The following ARID3A variants were observed in gnomAD, a reference collection of about 807,000 sequenced individuals.
ARID3A encodes AT-rich interactive domain-containing protein 3A.
ARID3A carries 11 observed loss-of-function variants against 52.7 expected under a neutral mutation model. That is an observed-to-expected ratio of 0.21 (90% CI 0.13 to 0.35). The LOEUF (loss-of-function observed/expected upper bound fraction) is 0.35, where lower values mean the gene tolerates loss of function less well. Ranked by LOEUF, ARID3A falls within the 10% of genes least tolerant of loss-of-function variation. ARID3A has a pLI of 1.00. For synonymous variants in ARID3A, 404 were observed against 359.4 expected, an observed-to-expected ratio of 1.12 and a Z score of -1.40; for missense variants, 721 against 838.5, an observed-to-expected ratio of 0.86 and a Z score of 1.73.
chr19:949,751 A>C (rs1463248077), intron 3 of ARID3A, among the ~76,000 whole-genome samples: 2 of 146,270 alleles, frequency 1.4e-5, no homozygotes, highest in Non-Finnish European at 3.0e-5. Flanking sequence ...ATCTGAGCTC[A>C]CGCAATCTCT....
Position 960,265 on chromosome 19 carries a change from C to G in ARID3A, c.766+101C>G, listed in dbSNP as rs1013905258. ...GTATGTCGGGGCGGTGGTGAGCACCCCGTGGCTGGAGGCATCCAAGGCTCC... is the reference window on the plus strand; with the variant it reads ...GTATGTCGGGGCGGTGGTGAGCACCGCGTGGCTGGAGGCATCCAAGGCTCC... On this transcript the variant is annotated intron_variant, in intron 4 of 8. Transcript: ENST00000263620. This position sits in a 1 kb window ranked among gnomAD's most constrained non-coding sequence, Gnocchi z 4.3. 5.2e-6 allele frequency: 6 copies of G among 1,157,656 alleles called. No homozygotes were observed. In the African/African-American group the frequency reaches 9.5e-5, roughly 18 times the overall value. 71.7% of individuals were successfully genotyped at this position (1,157,656 alleles called of 1,614,324 possible). A position where few individuals can be genotyped will look rare whatever the true frequency, so the allele number is the denominator to read the frequency against.
chr19:945,794 C>T (rs1307614425), intron 3 of ARID3A, among the ~76,000 whole-genome samples: 1 of 152,150 alleles, frequency 6.6e-6, no homozygotes, highest in Non-Finnish European at 1.5e-5. Context: ...TTGCACTGCC[C>T]GGCTCCTGCT....
chr19:966,226 G>A (rs947973077), intron 6 of ARID3A, among the ~76,000 whole-genome samples: 14 of 150,696 alleles, frequency 9.3e-5, no homozygotes, highest in East Asian at 3.9e-4. Flanking sequence ...TTGGGAGGCC[G>A]AGGCGGGCGG....
chr19:949,675 T>TC (rs940160754), intron 3 of ARID3A, among the ~76,000 whole-genome samples: 6 of 67,360 alleles, frequency 8.9e-5, no homozygotes, highest in Non-Finnish European at 1.6e-4. Context: ...CCTGATTCTG[T>TC]CTTTTTTTTT....
At chr19:958,277 ATT>A (rs2037963361) in intron 3 of ARID3A, 1 of 151,240 alleles carries the variant, frequency 6.6e-6, no homozygotes, top group Non-Finnish European at 1.5e-5. Context: ...ATACAAAAAA[ATT>A]AGCCGGGCGT....
rs762759062 is a variant in ARID3A, at chr19:972,046, C to G, written c.1763C>G (p.Ser588Ter). The change falls in exon 9 of 9, where the codon TCA (serine) becomes TGA (stop). Residue 588 changes from serine to a stop codon, truncating the protein, a stop_gained. Coordinates refer to ENST00000263620, the MANE Select transcript of ARID3A (RefSeq NM_005224.3). LOFTEE classifies it high-confidence loss of function. ...CTGTCCACACCCTCCACATCTACCT[C>G]AAATAACTCGTTGCCTTAACCGCAT... ...AGLSTPSTST[S>*]NNSLP 1.5e-5 allele frequency: 23 copies of G among 1,571,130 alleles called. No individual in the cohort carries two copies. Among genetic ancestry groups the G allele is most frequent in the Non-Finnish European group, 1.9e-5 (22 of 1,160,762 alleles).
intron 3 of ARID3A, among the ~76,000 whole-genome samples, chr19:949,246 G>A (rs894303902): frequency 1.3e-5 from 2 of 152,134 alleles, no homozygotes; most frequent in African/African-American, 4.8e-5. Flanking sequence ...CCCTCCCAGC[G>A]GCGGCGTGGG....
intron 3 of ARID3A, among the ~76,000 whole-genome samples, chr19:950,916 G>A (rs1284412352): frequency 6.6e-6 from 1 of 151,904 alleles, no homozygotes; most frequent in Non-Finnish European, 1.5e-5. Context: ...TCTGCCTCCC[G>A]GGTTCAAACT....
Position 960,078 on chromosome 19 carries a change from C to G in ARID3A, c.694-14C>G, listed in dbSNP as rs2038006967. 5 of 1,610,666 alleles carry G rather than the reference C, an allele frequency of 3.1e-6. No individual in the cohort carries two copies. The highest frequency in any genetic ancestry group is 4.2e-6 in the Non-Finnish European group (5 of 1,177,998). ...TCTGGCACCAACTAACCCATCCCCT[C>G]TCCACCCTCACAGCTCTACGAACTC... is the stretch of plus-strand genomic sequence containing the variant. On this transcript the variant is annotated splice_polypyrimidine_tract_variant and intron_variant, in intron 3 of 8. Transcript: ENST00000263620. This position sits in a 1 kb window ranked among gnomAD's most constrained non-coding sequence, Gnocchi z 4.3.
In ARID3A at chr19:938,528, G is replaced by T. The variant is rs2037482769; in HGVS notation, c.693+5786G>T. On this transcript the variant is annotated intron_variant, in intron 3 of 8. Transcript: ENST00000263620. The surrounding 1 kb of genome is among the most constrained non-coding windows in gnomAD (Gnocchi z 4.0). ...TGCACCTGCCAGAGAGGACCCAGCG[G>T]TGTGTGGATGGATGGCCCAGGGAGC... Among the ~76,000 whole-genome samples the T allele has an allele frequency of 6.6e-6, 1 of 152,224 alleles. No homozygotes were observed. The highest frequency in any genetic ancestry group is 1.5e-5 in the Non-Finnish European group (1 of 68,042).
chr19:945,081 G>C (rs568954722), intron 3 of ARID3A, among the ~76,000 whole-genome samples: 2 of 152,316 alleles, frequency 1.3e-5, no homozygotes, highest in South Asian at 2.1e-4. Context: ...TGCCCATCTC[G>C]TGGGGGCCCT....
Position 964,394 on chromosome 19 carries a change from A to G in ARID3A, c.913A>G (p.Thr305Ala). Residue 305 changes from threonine (T) to alanine (A), a missense_variant, in exon 5 of 9, where the codon ACG (threonine) becomes GCG (alanine). By Grantham distance (58) the Thr-to-Ala change is moderately conservative. This residue lies in a region of ARID3A where 43 missense variants were observed against 143.7 expected (regional missense o/e 0.30). Coordinates refer to ENST00000263620, the MANE Select transcript of ARID3A (RefSeq NM_005224.3). The surrounding 1 kb of genome is among the most constrained non-coding windows in gnomAD (Gnocchi z 5.7). The stretch of plus-strand genomic sequence containing the variant: ...GATCACCAAGGGCCTCAACCTGCCC[A>G]CGTCCATCACCAGTGCAGCCTTCAC... ...REITKGLNLP[T>A]SITSAAFTLR... 6.2e-7 allele frequency: 1 copy of G among 1,610,618 alleles called. No individual in the cohort carries two copies. Among genetic ancestry groups the G allele is most frequent in the Non-Finnish European group, 8.5e-7 (1 of 1,178,332 alleles).
chr19:945,967 G>A (rs951479644), intron 3 of ARID3A, among the ~76,000 whole-genome samples: 7 of 152,152 alleles, frequency 4.6e-5, no homozygotes, highest in African/African-American at 1.2e-4. Flanking sequence ...ACCCCAGGAC[G>A]GAGTTAATTG....
At chr19:950,515 G>C (rs1306488689) in intron 3 of ARID3A, among the ~76,000 whole-genome samples, 1 of 125,324 alleles carries the variant, frequency 8.0e-6, no homozygotes, top group Non-Finnish European at 1.6e-5. Flanking sequence ...GAGGGGTTCA[G>C]GGGGAGCAGC....
chr19:971,582 C>T (rs2038276215), intron 8 of ARID3A, among the ~76,000 whole-genome samples: 1 of 152,124 alleles, frequency 6.6e-6, no homozygotes, highest in Admixed American at 6.6e-5. Flanking sequence ...CCACTGCACT[C>T]CAGCCTGCGC....
chr19:957,416 G>A (rs1172956001), intron 3 of ARID3A, among the ~76,000 whole-genome samples: 1 of 152,220 alleles, frequency 6.6e-6, no homozygotes, highest in Non-Finnish European at 1.5e-5. Context: ...CACCTGCAAA[G>A]CAGAGCCAGT....
intron 3 of ARID3A, among the ~76,000 whole-genome samples, chr19:958,631 C>A (rs572397277): frequency 6.6e-6 from 1 of 151,774 alleles, no homozygotes; most frequent in African/African-American, 2.4e-5. Context: ...TAGTGGCTCA[C>A]GCCTGTAATC....
rs1431401586 is a variant in ARID3A, at chr19:974,518, ATC to A, written c.*2457_*2458del. The A allele has an allele frequency of 4.4e-6, 1 of 229,384 alleles. No homozygotes were observed. The highest frequency in any genetic ancestry group is 8.6e-6 in the Non-Finnish European group (1 of 115,814). 14.2% of individuals were successfully genotyped at this position (229,384 alleles called of 1,614,324 possible). A position where few individuals can be genotyped will look rare whatever the true frequency, so the allele number is the denominator to read the frequency against. ...GCGCCGGGGGAAGCGCCTGCTGCCTATCTCTGTCTACCTCAGGTCTGACTTTT... is the reference window on the plus strand; with the variant it reads ...GCGCCGGGGGAAGCGCCTGCTGCCTATCTGTCTACCTCAGGTCTGACTTTT... On this transcript the variant is annotated 3_prime_UTR_variant, in exon 9 of 9. Coordinates refer to ENST00000263620, the MANE Select transcript of ARID3A (RefSeq NM_005224.3).
At chr19:933,209 G>A (rs2037370045) in intron 3 of ARID3A, among the ~76,000 whole-genome samples, 2 of 152,134 alleles carry the variant, frequency 1.3e-5, no homozygotes, top group African/African-American at 4.8e-5. Flanking sequence ...CAGCCGAGGG[G>A]ATGTGGGGGT....
Sources: gnomAD v4.1 joint callset for allele counts (sites outside exome capture counted in the v4.1 genomes callset) on GRCh38, gnomAD v4.1.1 for gene constraint, gnomAD v4.1.1 regional missense constraint, Gnocchi (gnomAD v3.1) non-coding constraint, MANE v1.5 for transcripts, NCBI Gene and HGNC (gene_info 2026-07-23, HGNC 2026-07-21) for gene names.